Variants in ABCA4 observed in about 807,000 individuals in gnomAD.
ABCA4 encodes the protein ATP binding cassette subfamily A member 4.
Under a neutral mutation model 263.7 loss-of-function variants are expected in ABCA4, and 196 were observed. The observed-to-expected ratio is 0.74, with a 90% CI of 0.66 to 0.84. The LOEUF is 0.84. Ranked by LOEUF, ABCA4 falls within the 40% of genes least tolerant of loss-of-function variation. ABCA4 has a pLI of 0.00. For missense variants in ABCA4, 2,792 were observed against 2,855.1 expected (o/e 0.98, Z 0.50); for synonymous variants, 1,133 against 1,094.2 (o/e 1.04, Z -0.70).
chr1:94,032,142 C>T, intron 26 of ABCA4, 99 bp from the exon 27 acceptor site: 1 of 1,441,318 alleles, frequency 6.9e-7, no homozygotes, highest in Non-Finnish European at 9.6e-7. Context: ...TTTTCCTCTT[C>T]ATTTAAGTCA....
At chr1:94,080,950 C>T (rs775006838) in intron 7 of ABCA4, among the ~76,000 whole-genome samples, 26 of 152,086 alleles carry the variant, frequency 1.7e-4, no homozygotes, top group Non-Finnish European at 3.1e-4. Context: ...AGTGGCCGGG[C>T]GCAGTGGCTC....
intron 17 of ABCA4, among the ~76,000 whole-genome samples, chr1:94,049,445 G>A (rs1660775352): frequency 6.6e-6 from 1 of 152,112 alleles, no homozygotes; most frequent in African/African-American, 2.4e-5. Context: ...CCAACATGGT[G>A]AAACCCCGTA....
At chr1:94,051,737 G>A (rs1557782885) in intron 16 of ABCA4, 39 bp from the exon 17 acceptor site, 2 of 1,498,630 alleles carry the variant, frequency 1.3e-6, no homozygotes, top group Admixed American at 1.7e-5. Flanking sequence ...AGTCGAAGGA[G>A]TCTCCCTATC....
intron 1 of ABCA4, 105 bp downstream of exon 1, chr1:94,120,875 A>G (rs1570441202): frequency 7.9e-6 from 6 of 758,332 alleles, no homozygotes; most frequent in Admixed American, 2.1e-5. Context: ...ACTGCTCACA[A>G]CCCCCCACCC....
intron 17 of ABCA4, among the ~76,000 whole-genome samples, chr1:94,049,700 G>A (rs558963941): frequency 9.9e-5 from 15 of 152,190 alleles, no homozygotes; most frequent in African/African-American, 3.6e-4. Context: ...TTGAATATAT[G>A]GTTTACCTGA....
chr1:94,055,246 C>T lies in ABCA4; in HGVS notation c.2452G>A (p.Gly818Arg). The T allele has an allele frequency of 6.2e-7, 1 of 1,614,176 alleles. No individual in the cohort carries two copies. The highest frequency in any genetic ancestry group is 8.5e-7 in the Non-Finnish European group (1 of 1,180,026). The change falls in exon 16 of 50, where the codon GGG becomes AGG. Residue 818 changes from glycine (G) to arginine (R), a missense_variant. Coordinates refer to ENST00000370225, the MANE Select transcript of ABCA4 (RefSeq NM_000350.3). ...YLVRFEEQGLGLQWSNIGNSP... is the reference protein window; with the variant it reads ...YLVRFEEQGLRLQWSNIGNSP... ...TTCCCGATGTTGCTCCACTGCAGCC[C>T]CAGGCCTTGCTCTTCAAAGCGAACC...
chr1:94,001,139 T>C (rs377063854), intron 45 of ABCA4, 34 bp from the exon 46 acceptor site: 5 of 1,562,756 alleles, frequency 3.2e-6, no homozygotes, highest in African/African-American at 2.7e-5. Flanking sequence ...GGGCACAGGC[T>C]GGGAGCTGGC....
chr1:94,041,489 T>C, intron 22 of ABCA4, 87 bp from the exon 23 acceptor site: 2 of 1,457,948 alleles, frequency 1.4e-6, no homozygotes, highest in South Asian at 1.2e-5. Context: ...CCTGGCTATA[T>C]AGTTGCAAAA....
At chr1:94,044,847 G>T in intron 19 of ABCA4, 103 bp from the exon 20 acceptor site, 2 of 1,572,566 alleles carry the variant, frequency 1.3e-6, no homozygotes, top group Non-Finnish European at 1.7e-6. Flanking sequence ...ACAGATTCCT[G>T]CCTGGGGCTG....
intron 40 of ABCA4, 193 bp downstream of exon 40, chr1:94,010,607 C>T (rs1373796547): frequency 2.6e-6 from 2 of 762,636 alleles, no homozygotes; most frequent in Middle Eastern, 4.5e-4. Context: ...AAAGTGGATG[C>T]TCTTCACATA....
intron 22 of ABCA4, among the ~76,000 whole-genome samples, chr1:94,042,315 G>C (rs867209178): frequency 6.6e-6 from 1 of 152,040 alleles, no homozygotes; most frequent in Non-Finnish European, 1.5e-5. Context: ...TCTGAGAGGT[G>C]CCATGACAGA....
chr1:94,080,999 C>T (rs1033361251), intron 7 of ABCA4, among the ~76,000 whole-genome samples: 3 of 151,996 alleles, frequency 2.0e-5, no homozygotes, highest in East Asian at 1.9e-4. Flanking sequence ...CCGAGGCGGG[C>T]GGATCACGAG....
intron 16 of ABCA4, among the ~76,000 whole-genome samples, chr1:94,052,271 C>T (rs1202382834): frequency 7.2e-5 from 11 of 152,196 alleles, no homozygotes; most frequent in Non-Finnish European, 1.3e-4. Context: ...ACACCCCCAT[C>T]CCTCATTCTA....
intron 5 of ABCA4, 25 bp downstream of exon 5, chr1:94,102,990 C>A: frequency 6.2e-7 from 1 of 1,614,126 alleles, no homozygotes; most frequent in Non-Finnish European, 8.5e-7. Flanking sequence ...CCTCCAGGGA[C>A]CACTGGCCAG....
At chr1:94,102,168 G>A (rs1662301704) in intron 5 of ABCA4, among the ~76,000 whole-genome samples, 1 of 152,170 alleles carries the variant, frequency 6.6e-6, no homozygotes. Context: ...TGCAAGTCGT[G>A]AGTTAGTGGT....
chr1:93,996,790 A>C (rs944598071), intron 48 of ABCA4, among the ~76,000 whole-genome samples: 3 of 152,350 alleles, frequency 2.0e-5, no homozygotes, highest in African/African-American at 7.2e-5. Context: ...GTACAAAGGA[A>C]TATTATTCGG....
At chr1:94,056,129 T>C (rs1439288075) in intron 15 of ABCA4, among the ~76,000 whole-genome samples, 1 of 152,268 alleles carries the variant, frequency 6.6e-6, no homozygotes, top group East Asian at 1.9e-4. Context: ...TGCACTTCTT[T>C]CTGCAAACAT....
At chr1:94,108,918 G>A (rs1326573907) in intron 3 of ABCA4, among the ~76,000 whole-genome samples, 4 of 151,622 alleles carry the variant, frequency 2.6e-5, no homozygotes, top group African/African-American at 4.9e-5. Flanking sequence ...GACTACAGGC[G>A]CCCGCCACCA....
intron 47 of ABCA4, 44 bp downstream of exon 47, chr1:94,000,792 G>A: frequency 6.3e-7 from 1 of 1,586,542 alleles, no homozygotes; most frequent in African/African-American, 1.3e-5. Context: ...GATCCAGGTG[G>A]ATCCACAGAA....
Sources: gnomAD v4.1 joint callset for allele counts (sites outside exome capture counted in the v4.1 genomes callset) on GRCh38, gnomAD v4.1.1 for gene constraint, MANE v1.5 for transcripts, NCBI Gene and HGNC (gene_info 2026-07-23, HGNC 2026-07-21) for gene names.